STAT5B: variants seen among roughly 807,000 people sequenced by gnomAD.
STAT5B encodes the protein signal transducer and activator of transcription 5B.
STAT5B carries 21 observed loss-of-function variants against 107.8 expected under a neutral mutation model. The ratio of observed to expected loss-of-function variants is 0.19; its 90% confidence interval spans 0.14 to 0.28. STAT5B has a LOEUF of 0.28. STAT5B is among the 10% of genes least tolerant of loss of function. STAT5B has a pLI of 1.00. For synonymous variants in STAT5B, 325 were observed against 401.7 expected, an observed-to-expected ratio of 0.81 and a Z score of 2.28; for missense variants, 565 against 1,008.2, an observed-to-expected ratio of 0.56 and a Z score of 5.95.
At chr17:42,257,265 G>C (rs2080553949) in intron 1 of STAT5B, among the ~76,000 whole-genome samples, 2 of 152,090 alleles carry the variant, frequency 1.3e-5, no homozygotes, top group Admixed American at 6.5e-5. Context: ...CTTTATTTCT[G>C]TTGGGAGAAA....
At chr17:42,248,375 GA>G (rs60145270) in intron 1 of STAT5B, among the ~76,000 whole-genome samples, 47,607 of 140,718 alleles carry the variant, frequency 0.34, 7,908 homozygotes, top group South Asian at 0.45. Context: ...TCCTGCTGGG[GA>G]AAAAAAAAAA....
intron 1 of STAT5B, among the ~76,000 whole-genome samples, chr17:42,255,782 G>A (rs1010008501): frequency 6.6e-6 from 1 of 152,172 alleles, no homozygotes; most frequent in African/African-American, 2.4e-5. Context: ...TTAATGCCAC[G>A]GAACTGTACT....
chr17:42,201,607 G>A lies in STAT5B; in HGVS notation c.*131C>T. On this transcript the variant is annotated 3_prime_UTR_variant, in exon 19 of 19. Coordinates refer to ENST00000293328, the MANE Select transcript of STAT5B (RefSeq NM_012448.4). Reference sequence around the variant, plus strand: ...TGCCACCATGCACAGAAACACTAAGGTCACAACTAGTATTAACACTTCACA... The same window carrying A: ...TGCCACCATGCACAGAAACACTAAGATCACAACTAGTATTAACACTTCACA... 2.6e-6 allele frequency: 2 copies of A among 764,734 alleles called. No homozygotes were observed. The highest frequency in any genetic ancestry group is 2.6e-5 in the East Asian group (1 of 38,068). The allele number at this position is 764,734 out of a possible 1,614,324, so 47.4% of individuals were successfully genotyped here.
chr17:42,208,493 AAAAT>A lies in STAT5B; in HGVS notation c.1907-769_1907-766del, dbSNP rs777760506. Among the ~76,000 whole-genome samples the A allele has an allele frequency of 1.5e-4, 22 of 151,686 alleles. No individual in the cohort carries two copies. In the East Asian group the frequency reaches 3.0e-3, roughly 21 times the overall value. On this transcript the variant is annotated intron_variant, in intron 15 of 18. Transcript: ENST00000293328. ...CCTGGGTGACAGAGACCCCATCTCA[AAAAT>A]AAATAAATAAATAAATAAATAAAAA...
intron 2 of STAT5B, among the ~76,000 whole-genome samples, chr17:42,231,037 TATTA>T (rs75025994): frequency 0.029 from 4,394 of 152,200 alleles, 110 homozygotes; most frequent in Non-Finnish European, 0.038. Context: ...ACTGTTAAAT[TATTA>T]ATTTTTAGTT....
At chr17:42,206,640 T>C (rs2080087497) in intron 16 of STAT5B, among the ~76,000 whole-genome samples, 1 of 152,084 alleles carries the variant, frequency 6.6e-6, no homozygotes, top group Admixed American at 6.6e-5. Context: ...AATGGCACGA[T>C]TTCAGCTCAC....
chr17:42,266,034 G>A (rs2080668248), intron 1 of STAT5B, among the ~76,000 whole-genome samples: 1 of 151,686 alleles, frequency 6.6e-6, no homozygotes, highest in Non-Finnish European at 1.5e-5. Flanking sequence ...TTGTCACTTA[G>A]CTTTGGTTTC....
intron 1 of STAT5B, among the ~76,000 whole-genome samples, chr17:42,254,251 G>A (rs116333080): frequency 0.031 from 4,702 of 152,192 alleles, 240 homozygotes; most frequent in African/African-American, 0.11. Flanking sequence ...GTGCTGGTAT[G>A]TACCTGTAAT....
chr17:42,262,111 C>T (rs2080603433), intron 1 of STAT5B, among the ~76,000 whole-genome samples: 1 of 152,056 alleles, frequency 6.6e-6, no homozygotes, highest in Non-Finnish European at 1.5e-5. Flanking sequence ...AAAGTATCAA[C>T]TCATAATTTA....
At chr17:42,225,403 C>G (rs555242972) in intron 3 of STAT5B, among the ~76,000 whole-genome samples, 2 of 152,230 alleles carry the variant, frequency 1.3e-5, no homozygotes, top group East Asian at 3.9e-4. Flanking sequence ...TTAAAAGCCT[C>G]GCAAGAGGAG....
intron 1 of STAT5B, among the ~76,000 whole-genome samples, chr17:42,245,823 C>T (rs1598325371): frequency 6.6e-6 from 1 of 151,936 alleles, no homozygotes; most frequent in African/African-American, 2.4e-5. Context: ...CCCGCCCAGC[C>T]CTAATTTTTG....
intron 1 of STAT5B, among the ~76,000 whole-genome samples, chr17:42,260,250 C>T (rs1157687975): frequency 6.6e-6 from 1 of 152,164 alleles, no homozygotes; most frequent in African/African-American, 2.4e-5. Context: ...ACTTTATCAA[C>T]TGAAAGTTTT....
the STAT5B span, among the ~76,000 whole-genome samples, chr17:42,282,445 T>A: frequency 6.6e-6 from 1 of 152,098 alleles, no homozygotes; most frequent in African/African-American, 2.4e-5. Flanking sequence ...TGCCTCAGCC[T>A]CCCAAATAGC....
the STAT5B span, among the ~76,000 whole-genome samples, chr17:42,284,692 A>G: frequency 1.3e-5 from 2 of 152,344 alleles, no homozygotes; most frequent in South Asian, 2.1e-4. Context: ...CATGCTCCGC[A>G]CCGCAGAAAA....
chr17:42,219,930 G>T, intron 5 of STAT5B, 88 bp from the exon 6 acceptor site: 2 of 1,593,612 alleles, frequency 1.3e-6, no homozygotes, highest in Non-Finnish European at 1.7e-6. Flanking sequence ...TCTGGAGCGA[G>T]ACCCTCCTGG....
rs944148465 is a variant in STAT5B, at chr17:42,200,358, C to T, written c.*1380G>A. 6.6e-6 allele frequency: 1 copy of T among 152,594 alleles called. No individual in the cohort carries two copies. The highest frequency in any genetic ancestry group is 1.5e-5 in the Non-Finnish European group (1 of 68,048). The allele number at this position is 152,594 out of a possible 1,614,324, so 9.5% of individuals were successfully genotyped here. A position where few individuals can be genotyped will look rare whatever the true frequency, so the allele number is the denominator to read the frequency against. On this transcript the variant is annotated 3_prime_UTR_variant, in exon 19 of 19. Coordinates refer to ENST00000293328, the MANE Select transcript of STAT5B (RefSeq NM_012448.4). Reference sequence around the variant, plus strand: ...GCCTTACCCGTAAGCTATTTTAATACACCTGCTCACCCCCCTCTTCCTCCA... The same window carrying T: ...GCCTTACCCGTAAGCTATTTTAATATACCTGCTCACCCCCCTCTTCCTCCA...
chr17:42,288,236 G>C, the STAT5B span: 1 of 152,120 alleles, frequency 6.6e-6, no homozygotes, highest in Non-Finnish European at 1.5e-5. This position sits in a 1 kb window ranked among gnomAD's most constrained non-coding sequence, Gnocchi z 4.8. Context: ...CCGGTTCCGG[G>C]ACGCTCCCTG....
chr17:42,279,972 T>A (rs1226273671), upstream of STAT5B, among the ~76,000 whole-genome samples: 1 of 152,066 alleles, frequency 6.6e-6, no homozygotes, highest in Non-Finnish European at 1.5e-5. Context: ...CAAAACAGAA[T>A]GTTGTCATCC....
In STAT5B at chr17:42,199,866, G is replaced by C. The variant is rs1385510086; in HGVS notation, c.*1872C>G. 4 of 152,464 alleles carry C rather than the reference G, an allele frequency of 2.6e-5. No individual in the cohort carries two copies. Among genetic ancestry groups the C allele is most frequent in the Non-Finnish European group, 4.4e-5 (3 of 68,128 alleles). 9.4% of individuals were successfully genotyped at this position (152,464 alleles called of 1,614,324 possible). A position where few individuals can be genotyped will look rare whatever the true frequency, so the allele number is the denominator to read the frequency against. On this transcript the variant is annotated 3_prime_UTR_variant, in exon 19 of 19. Coordinates refer to ENST00000293328, the MANE Select transcript of STAT5B (RefSeq NM_012448.4). ...CCAGGGTTGCTGGAACAGAGAGCGA[G>C]GTCTCAGAGGCAGGTGCTGGTGAAG...
Sources: allele counts gnomAD v4.1 joint callset (sites outside exome capture counted in the v4.1 genomes callset), GRCh38; gene constraint gnomAD v4.1.1; non-coding constraint Gnocchi (gnomAD v3.1); transcripts MANE v1.5; gene names NCBI Gene and HGNC (gene_info 2026-07-23, HGNC 2026-07-21).